Variants in TNR observed in about 807,000 individuals in gnomAD.
TNR encodes the protein tenascin-R.
In TNR, 45 loss-of-function variants were observed where a neutral mutation model predicts 150.4. That is an observed-to-expected ratio of 0.30 (90% confidence interval 0.24 to 0.38). The LOEUF is 0.38. Among genes scored for constraint, TNR ranks in the 10% least tolerant of loss-of-function variants. The probability of loss-of-function intolerance (pLI) is 1.00; values close to 1 mark genes in which losing one functional copy is unlikely to be tolerated. For synonymous variants in TNR, 687 were observed against 678.4 expected (o/e 1.01, Z -0.20); for missense variants, 1,544 against 1,759.1 (o/e 0.88, Z 2.19).
At chr1:175,346,561 A>G (rs1483414783) in intron 18 of TNR, among the ~76,000 whole-genome samples, 1 of 152,152 alleles carries the variant, frequency 6.6e-6, no homozygotes, top group Non-Finnish European at 1.5e-5. Context: ...AAGACAGAAT[A>G]TGAAAAAAAA....
chr1:175,702,708 G>A (rs1666731682), intron 1 of TNR, among the ~76,000 whole-genome samples: 1 of 152,196 alleles, frequency 6.6e-6, no homozygotes, highest in Admixed American at 6.5e-5. Flanking sequence ...ACAGTGACAC[G>A]AGATTTGGGG....
chr1:175,736,580 A>G (rs1667778991), intron 1 of TNR, among the ~76,000 whole-genome samples: 1 of 151,828 alleles, frequency 6.6e-6, no homozygotes, highest in Non-Finnish European at 1.5e-5. Context: ...GGGTGAGGGA[A>G]AGAGGGGATG....
At chr1:175,329,072 C>A (rs2101982706) in intron 21 of TNR, among the ~76,000 whole-genome samples, 1 of 152,196 alleles carries the variant, frequency 6.6e-6, no homozygotes, top group Non-Finnish European at 1.5e-5. Context: ...CAGATGTGAG[C>A]ATAATAAAGG....
intron 1 of TNR, among the ~76,000 whole-genome samples, chr1:175,687,116 A>G (rs900638846): frequency 1.3e-5 from 2 of 152,284 alleles, no homozygotes; most frequent in South Asian, 2.1e-4. Flanking sequence ...GCACCATGGC[A>G]TGAGCTAAAG....
rs74129306 is a variant in TNR, at chr1:175,692,682, C to T, written c.-165+50544G>A. 6.3e-3 allele frequency among the ~76,000 whole-genome samples: 959 copies of T among 152,048 alleles called. 14 individuals carry two copies. The highest frequency in any genetic ancestry group is 0.022 in the African/African-American group (912 of 41,484). The stretch of plus-strand genomic sequence containing the variant: ...TTACTGCCCTGAATGGGTCCACTAA[C>T]AGGGGAGAGGAGAGGAAGGTCTCAT... On this transcript the variant is annotated intron_variant, in intron 1 of 22. Coordinates refer to ENST00000367674, the MANE Select transcript of TNR (RefSeq NM_003285.3).
At chr1:175,468,456 T>A (rs1252867732) in intron 2 of TNR, among the ~76,000 whole-genome samples, 1 of 152,224 alleles carries the variant, frequency 6.6e-6, no homozygotes, top group Admixed American at 6.5e-5. Flanking sequence ...AATCAACATG[T>A]ATTGAGCACT....
At chr1:175,594,669 A>T (rs55791107) in intron 1 of TNR, among the ~76,000 whole-genome samples, 1 of 152,204 alleles carries the variant, frequency 6.6e-6, no homozygotes, top group African/African-American at 2.4e-5. Flanking sequence ...AGCCTGGGCA[A>T]CACAGCAAAT....
At chr1:175,515,577 C>G (rs1659370672) in intron 2 of TNR, among the ~76,000 whole-genome samples, 1 of 152,168 alleles carries the variant, frequency 6.6e-6, no homozygotes, top group Non-Finnish European at 1.5e-5. Context: ...ATACAGGGTG[C>G]ATTCCTATAG....
intron 2 of TNR, among the ~76,000 whole-genome samples, chr1:175,447,640 A>G (rs1180931104): frequency 6.6e-6 from 1 of 152,188 alleles, no homozygotes; most frequent in Non-Finnish European, 1.5e-5. Context: ...TACAATGCCT[A>G]TTTTGGAAAC....
intron 1 of TNR, among the ~76,000 whole-genome samples, chr1:175,690,598 T>TGGTG (rs1247658941): frequency 4.0e-5 from 6 of 151,778 alleles, no homozygotes; most frequent in Admixed American, 3.9e-4. Context: ...GGATGAGAGG[T>TGGTG]GGTGAGGCAG....
At chr1:175,665,007 A>C (rs763602806) in intron 1 of TNR, among the ~76,000 whole-genome samples, 1 of 152,248 alleles carries the variant, frequency 6.6e-6, no homozygotes, top group Non-Finnish European at 1.5e-5. Flanking sequence ...AAGAGGGTGA[A>C]TCTAACTTCC....
chr1:175,379,819 GGTGGT>G, intron 8 of TNR, 82 bp from the exon 9 acceptor site: 1 of 1,467,762 alleles, frequency 6.8e-7, no homozygotes, highest in Non-Finnish European at 9.3e-7. Context: ...TGAAAAGATT[GGTGGT>G]GACAGCCCAC....
intron 2 of TNR, among the ~76,000 whole-genome samples, chr1:175,517,610 C>A (rs1441651248): frequency 6.6e-6 from 1 of 152,154 alleles, no homozygotes; most frequent in African/African-American, 2.4e-5. Context: ...GAATTGGACT[C>A]GCCATGAGGT....
intron 2 of TNR, among the ~76,000 whole-genome samples, chr1:175,484,245 C>A (rs149832890): frequency 6.6e-6 from 1 of 152,144 alleles, no homozygotes; most frequent in Non-Finnish European, 1.5e-5. Context: ...TCCAACCATC[C>A]GCAATTCCTA....
intron 1 of TNR, among the ~76,000 whole-genome samples, chr1:175,555,554 G>C (rs1275700585): frequency 6.8e-6 from 1 of 146,494 alleles, no homozygotes; most frequent in Non-Finnish European, 1.5e-5. Context: ...GTTTTGAGTT[G>C]AGATGAAGAC....
chr1:175,575,642 A>G (rs1662074813), intron 1 of TNR, among the ~76,000 whole-genome samples: 1 of 152,206 alleles, frequency 6.6e-6, no homozygotes, highest in African/African-American at 2.4e-5. Flanking sequence ...TAGTGAGGAA[A>G]GACTTTGTGG....
intron 8 of TNR, among the ~76,000 whole-genome samples, chr1:175,381,013 A>G (rs1328672176): frequency 1.3e-5 from 2 of 152,178 alleles, no homozygotes; most frequent in African/African-American, 4.8e-5. Context: ...TAGCGATGTA[A>G]ATTGGGTGAA....
intron 4 of TNR, among the ~76,000 whole-genome samples, chr1:175,399,996 A>G (rs1444028168): frequency 6.6e-6 from 1 of 152,214 alleles, no homozygotes; most frequent in Non-Finnish European, 1.5e-5. Context: ...GTCTGACTGA[A>G]GTCCAGGAAA....
intron 8 of TNR, among the ~76,000 whole-genome samples, 173 bp downstream of exon 8, chr1:175,385,859 T>A (rs2102030529): frequency 6.6e-6 from 1 of 152,320 alleles, no homozygotes; most frequent in South Asian, 2.1e-4. Flanking sequence ...GAGGGAGCGC[T>A]GCTTTTCCTG....
Sources: allele counts gnomAD v4.1 joint callset (sites outside exome capture counted in the v4.1 genomes callset), GRCh38; gene constraint gnomAD v4.1.1; transcripts MANE v1.5; gene names NCBI Gene and HGNC (gene_info 2026-07-23, HGNC 2026-07-21).